Variants in COL24A1 observed in about 807,000 individuals in gnomAD.
COL24A1 encodes collagen type XXIV alpha 1 chain.
COL24A1 carries 224 observed loss-of-function variants against 253.9 expected under a neutral mutation model. The ratio of observed to expected loss-of-function variants is 0.88; its 90% CI spans 0.79 to 0.99. The LOEUF (loss-of-function observed/expected upper bound fraction) is 0.99. Ranked by LOEUF, COL24A1 falls within the 50% of genes least tolerant of loss-of-function variation. The probability of loss-of-function intolerance (pLI) is 0.00; values close to 1 mark genes in which losing one functional copy is unlikely to be tolerated. For synonymous variants in COL24A1, 685 were observed against 673.7 expected (o/e 1.02, Z -0.26); for missense variants, 2,131 against 2,068.5 (o/e 1.03, Z -0.59).
intron 7 of COL24A1, among the ~76,000 whole-genome samples, chr1:86,069,671 G>T (rs1007211864): frequency 3.3e-5 from 5 of 151,700 alleles, no homozygotes; most frequent in African/African-American, 1.2e-4. Flanking sequence ...GAGAGAGAGA[G>T]AGGAGAGACT....
chr1:86,149,120 C>G (rs1334743569), intron 1 of COL24A1, among the ~76,000 whole-genome samples: 2 of 152,176 alleles, frequency 1.3e-5, no homozygotes, highest in Non-Finnish European at 2.9e-5. Context: ...GTCTCGAACT[C>G]CTGACCTCAG....
At chr1:85,787,444 C>T (rs1303939506) in intron 47 of COL24A1, among the ~76,000 whole-genome samples, 2 of 152,096 alleles carry the variant, frequency 1.3e-5, no homozygotes, top group African/African-American at 4.8e-5. Context: ...TCAGCTCCCA[C>T]TTATAAGACC....
chr1:86,041,640 C>T lies in COL24A1; in HGVS notation c.1950+5185G>A, dbSNP rs775398141. 1.4e-4 allele frequency among the ~76,000 whole-genome samples: 22 copies of T among 152,206 alleles called. 1 individual carries two copies. Among genetic ancestry groups the T allele is most frequent in the Non-Finnish European group, 2.2e-4 (15 of 67,978 alleles). Reference sequence around the variant, plus strand: ...AGTTATCAAATACATAACAAATCCCCTCTCCCTGCCTCCCCTATTTTTTTT... The same window carrying T: ...AGTTATCAAATACATAACAAATCCCTTCTCCCTGCCTCCCCTATTTTTTTT... On this transcript the variant is annotated intron_variant, in intron 12 of 59. Coordinates refer to ENST00000370571, the MANE Select transcript of COL24A1 (RefSeq NM_152890.7).
At chr1:86,012,318 G>A (rs954717154) in intron 19 of COL24A1, among the ~76,000 whole-genome samples, 15 of 152,138 alleles carry the variant, frequency 9.9e-5, no homozygotes, top group African/African-American at 2.9e-4. Flanking sequence ...GGCCAGGTGC[G>A]GTGGCTCACC....
chr1:86,107,951 C>G (rs971914379), intron 5 of COL24A1, among the ~76,000 whole-genome samples: 2 of 151,964 alleles, frequency 1.3e-5, no homozygotes, highest in Non-Finnish European at 2.9e-5. Context: ...GACTAAATCC[C>G]CAAGAGGCCT....
At chr1:86,012,714 C>T (rs1009286282) in intron 19 of COL24A1, among the ~76,000 whole-genome samples, 1 of 150,858 alleles carries the variant, frequency 6.6e-6, no homozygotes, top group Admixed American at 6.6e-5. Flanking sequence ...TCAGATCATG[C>T]CTCTGCCCTA....
chr1:85,791,347 TA>T (rs1397744762), intron 47 of COL24A1, among the ~76,000 whole-genome samples: 6 of 151,744 alleles, frequency 4.0e-5, no homozygotes, highest in Middle Eastern at 3.4e-3. Context: ...CAAAGAAGTT[TA>T]AAAAAAACAC....
intron 28 of COL24A1, among the ~76,000 whole-genome samples, chr1:85,906,387 C>T (rs1483845869): frequency 1.3e-5 from 2 of 149,804 alleles, no homozygotes; most frequent in East Asian, 4.0e-4. Flanking sequence ...TTAAAGCCCA[C>T]ATATCCAAAT....
At chr1:85,955,123 A>T (rs920440243) in intron 24 of COL24A1, among the ~76,000 whole-genome samples, 7 of 152,158 alleles carry the variant, frequency 4.6e-5, no homozygotes, top group Admixed American at 2.0e-4. Context: ...AAATGGGTGG[A>T]TGATAAGAGA....
chr1:85,828,015 G>T (rs568140785), intron 43 of COL24A1, among the ~76,000 whole-genome samples: 38 of 152,106 alleles, frequency 2.5e-4, no homozygotes, highest in African/African-American at 8.7e-4. Flanking sequence ...TGTGATGTTA[G>T]GGTGTCAATT....
At chr1:85,898,372 T>C (rs1683962152) in intron 28 of COL24A1, among the ~76,000 whole-genome samples, 1 of 152,290 alleles carries the variant, frequency 6.6e-6, no homozygotes, top group South Asian at 2.1e-4. Context: ...CATTCCTTGA[T>C]CCTCTGAGGC....
rs1181001829 is a variant in COL24A1 at position 85,797,207 on chromosome 1, CAAAAA to C, written c.3952-10751_3952-10747del. Reference sequence around the variant, plus strand: ...TGGGCGACAGAGCGAGACTCCGTCTCAAAAAAAAAAAAAAAAAAAAAAAGAACATT... The same window carrying C: ...TGGGCGACAGAGCGAGACTCCGTCTCAAAAAAAAAAAAAAAAAAGAACATT... On this transcript the variant is annotated intron_variant, in intron 47 of 59. Coordinates refer to ENST00000370571, the MANE Select transcript of COL24A1 (RefSeq NM_152890.7). 2.7e-3 allele frequency among the ~76,000 whole-genome samples: 178 copies of C among 66,198 alleles called. 1 individual carries two copies. Among genetic ancestry groups the C allele is most frequent in the African/African-American group, 0.011 (166 of 15,780 alleles). The allele number at this position is 66,198 out of a possible 152,430, so 43.4% of individuals were successfully genotyped here.
At chr1:86,090,403 T>G (rs1703407799) in intron 6 of COL24A1, among the ~76,000 whole-genome samples, 1 of 152,224 alleles carries the variant, frequency 6.6e-6, no homozygotes, top group South Asian at 2.1e-4. Flanking sequence ...ATGCTCTTTT[T>G]AAGCTCCCAA....
chr1:85,761,697 G>A, intron 53 of COL24A1, 131 bp from the exon 54 acceptor site: 1 of 804,724 alleles, frequency 1.2e-6, no homozygotes, highest in South Asian at 1.6e-5. Context: ...AATTGTTTTA[G>A]TATTCTAAAG....
In COL24A1 at chr1:85,855,606, A is replaced by T. The variant is rs1678335680; in HGVS notation, c.3301-6200T>A. On this transcript the variant is annotated intron_variant, in intron 37 of 59. Transcript: ENST00000370571. ...AGCTTTTTGATGTGCTGCTAAATTC[A>T]GTTTGCTAGTATTTTGTTATCGATT... is the stretch of plus-strand genomic sequence containing the variant. 3.3e-5 allele frequency among the ~76,000 whole-genome samples: 5 copies of T among 152,192 alleles called. No homozygotes were observed. The South Asian group carries it at 1.0e-3, about 31-fold the overall frequency.
chr1:85,884,911 G>T (rs1682297954), intron 32 of COL24A1, among the ~76,000 whole-genome samples: 1 of 152,048 alleles, frequency 6.6e-6, no homozygotes, highest in Non-Finnish European at 1.5e-5. Flanking sequence ...ACATGTAGGG[G>T]CCTCCCAAAG....
chr1:85,874,575 G>T, intron 35 of COL24A1, 74 bp downstream of exon 35: 1 of 1,353,406 alleles, frequency 7.4e-7, no homozygotes, highest in Non-Finnish European at 1.0e-6. Context: ...TTTTTTGAGT[G>T]TTTCGAATAA....
intron 19 of COL24A1, among the ~76,000 whole-genome samples, chr1:86,012,316 G>A (rs1045757581): frequency 6.6e-6 from 1 of 152,084 alleles, no homozygotes; most frequent in Non-Finnish European, 1.5e-5. Flanking sequence ...CTGGCCAGGT[G>A]CGGTGGCTCA....
intron 5 of COL24A1, among the ~76,000 whole-genome samples, chr1:86,093,791 A>T (rs1227745213): frequency 1.3e-5 from 2 of 152,160 alleles, no homozygotes; most frequent in African/African-American, 2.4e-5. Flanking sequence ...CAAATTTACC[A>T]GAAAAATACA....
Sources: allele counts gnomAD v4.1 joint callset (sites outside exome capture counted in the v4.1 genomes callset), GRCh38; gene constraint gnomAD v4.1.1; transcripts MANE v1.5; gene names NCBI Gene and HGNC (gene_info 2026-07-23, HGNC 2026-07-21).